TMEM216: variants seen among roughly 807,000 people sequenced by gnomAD.
TMEM216 encodes the protein cerebello-oculo-renal syndrome 2.
A neutral mutation model predicts 17.8 loss-of-function variants in TMEM216; 15 were observed. The ratio of observed to expected loss-of-function variants is 0.84; its 90% confidence interval spans 0.56 to 1.30. The LOEUF is 1.30. Among genes scored for constraint, TMEM216 ranks in the 50% most tolerant of loss-of-function variants. The pLI, the probability that TMEM216 is intolerant of heterozygous loss-of-function variation, is 0.00. For missense variants in TMEM216, 160 were observed against 175.7 expected (o/e 0.91, Z 0.51); for synonymous variants, 58 against 73.5 (o/e 0.79, Z 1.08).
intron 1 of TMEM216, 84 bp downstream of exon 1, chr11:61,392,749 C>T: frequency 6.5e-7 from 1 of 1,533,972 alleles, no homozygotes; most frequent in Admixed American, 2.0e-5. Context: ...TTGACCTAAA[C>T]CCTCCATTCT....
rs1858720825 is a variant in TMEM216 at position 61,393,305 on chromosome 11, C to T, written c.109C>T (p.Leu37=). ...NGWYNATYFL[L]ELFIFLYKGV... ...GTGGTATAATGCTACCTATTTCCTG[C>T]TGGAACTTTTCATATTTCTGTATAA... The change falls in exon 2 of 5, where the codon CTG becomes TTG. Residue 37 remains leucine, a synonymous_variant. Transcript: ENST00000515837. The T allele has an allele frequency of 1.3e-6, 2 of 1,535,746 alleles. No individual in the cohort carries two copies. Among genetic ancestry groups the T allele is most frequent in the East Asian group, 2.4e-5 (1 of 40,932 alleles).
Position 61,398,507 on chromosome 11 carries a change from G to A in TMEM216, c.*231G>A, listed in dbSNP as rs1858852417. The A allele has an allele frequency of 3.7e-6, 2 of 546,526 alleles. No homozygotes were observed. The highest frequency in any genetic ancestry group is 3.2e-5 in the Admixed American group (1 of 31,602). 33.9% of individuals were successfully genotyped at this position (546,526 alleles called of 1,614,324 possible). A position where few individuals can be genotyped will look rare whatever the true frequency, so the allele number is the denominator to read the frequency against. On this transcript the variant is annotated 3_prime_UTR_variant, in exon 5 of 5. Transcript: ENST00000515837. ...CTTCTACACTCCAGTATAGGGAGGG[G>A]CAAGGTTATTCCCATCCTGCCCCTT...
At position 61,392,602 on chromosome 11, in the gene TMEM216, G is replaced by C; in HGVS notation, c.-30G>C. 6.5e-7 allele frequency: 1 copy of C among 1,534,914 alleles called. No individual in the cohort carries two copies. The highest frequency in any genetic ancestry group is 8.7e-7 in the Non-Finnish European group (1 of 1,146,418). On this transcript the variant is annotated 5_prime_UTR_variant, in exon 1 of 5. Transcript: ENST00000515837. ...CTTCGTCCCTGTTTCCGGCAGCGCC[G>C]CGCTGCTCCGGGAGCCGCTGTGGCA... is the stretch of plus-strand genomic sequence containing the variant.
intron 1 of TMEM216, chr11:61,392,914 C>G (rs2135189522): frequency 1.0e-6 from 1 of 979,508 alleles, no homozygotes; most frequent in South Asian, 4.7e-5. Context: ...ATCTGTTGGT[C>G]TCTGCGCCCC....
chr11:61,396,469 C>T (rs1000344014), intron 3 of TMEM216, among the ~76,000 whole-genome samples: 4 of 151,564 alleles, frequency 2.6e-5, no homozygotes, highest in Non-Finnish European at 5.9e-5. Context: ...GAGAGCTAGA[C>T]TCTGTCTCAA....
intron 2 of TMEM216, 125 bp downstream of exon 2, chr11:61,393,457 C>A: frequency 1.5e-6 from 1 of 670,244 alleles, no homozygotes; most frequent in Non-Finnish European, 2.6e-6. Context: ...CGCTGCAAGG[C>A]AGGCCTCCTC....
chr11:61,392,597 G>C lies in TMEM216; in HGVS notation c.-35G>C, dbSNP rs1406025516. 3.9e-6 allele frequency: 6 copies of C among 1,534,136 alleles called. No homozygotes were observed. The highest frequency in any genetic ancestry group is 2.4e-5 in the South Asian group (2 of 83,994). On this transcript the variant is annotated 5_prime_UTR_variant, in exon 1 of 5. Coordinates refer to ENST00000515837, the MANE Select transcript of TMEM216 (RefSeq NM_001173990.3). ...GGCCGCTTCGTCCCTGTTTCCGGCA[G>C]CGCCGCGCTGCTCCGGGAGCCGCTG...
At chr11:61,392,942 A>G in intron 1 of TMEM216, 1 of 900,786 alleles carries the variant, frequency 1.1e-6, no homozygotes, top group Non-Finnish European at 1.3e-6. Context: ...CCTCCCAAAT[A>G]GTGACAGAGT....
intron 1 of TMEM216, 119 bp downstream of exon 1, chr11:61,392,784 C>A: frequency 2.0e-6 from 3 of 1,526,532 alleles, no homozygotes; most frequent in Non-Finnish European, 1.8e-6. Flanking sequence ...GTCGCGCCTC[C>A]CTGGTCCAAA....
chr11:61,398,023 C>T, intron 4 of TMEM216, 48 bp downstream of exon 4: 1 of 1,602,772 alleles, frequency 6.2e-7, no homozygotes, highest in Non-Finnish European at 8.5e-7. Context: ...GTTGGGTTCC[C>T]ATCCCAGGGA....
Position 61,392,657 on chromosome 11 carries a change from C to A in TMEM216, c.26C>A (p.Ala9Glu). 1.3e-6 allele frequency: 2 copies of A among 1,534,910 alleles called. No homozygotes were observed. Among genetic ancestry groups the A allele is most frequent in the Non-Finnish European group, 1.7e-6 (2 of 1,146,378 alleles). Residue 9 changes from alanine to glutamate, a missense_variant, in exon 1 of 5, where the codon GCG becomes GAG. Ala to Glu is a moderately radical substitution (Grantham distance 107). Coordinates refer to ENST00000515837, the MANE Select transcript of TMEM216 (RefSeq NM_001173990.3). ...ATGCTGCCACGGGGACTGAAGATGGCGCCGCGAGGTGAGATTCCGGAGGTG... is the reference window on the plus strand; with the variant it reads ...ATGCTGCCACGGGGACTGAAGATGGAGCCGCGAGGTGAGATTCCGGAGGTG... MLPRGLKM[A>E]PRGKRLSSTP...
intron 4 of TMEM216, 42 bp from the exon 5 acceptor site, chr11:61,398,228 G>C: frequency 6.3e-7 from 1 of 1,594,390 alleles, no homozygotes; most frequent in Non-Finnish European, 8.5e-7. Flanking sequence ...CTCATTCACT[G>C]GTCTTTTAAC....
intron 2 of TMEM216, 70 bp from the exon 3 acceptor site, chr11:61,393,814 C>CAGACAAGAACTGT: frequency 8.1e-7 from 1 of 1,231,790 alleles, no homozygotes; most frequent in African/African-American, 1.5e-5. Flanking sequence ...CCTCTTTTTT[C>CAGACAAGAACTGT]CCAAGTGTGT....
At chr11:61,394,238 C>A in intron 3 of TMEM216, 1 of 453,288 alleles carries the variant, frequency 2.2e-6, no homozygotes, top group Non-Finnish European at 4.1e-6. Context: ...AAGAAGAGTG[C>A]TTGGTTCTTC....
At chr11:61,396,931 C>CA (rs35510102) in intron 3 of TMEM216, among the ~76,000 whole-genome samples, 9,587 of 122,322 alleles carry the variant, frequency 0.078, 496 homozygotes, top group African/African-American at 0.16. Flanking sequence ...TAAACACTAT[C>CA]AAAAAAAAAA....
intron 3 of TMEM216, 73 bp from the exon 4 acceptor site, chr11:61,397,701 A>T (rs1335089788): frequency 2.8e-6 from 4 of 1,415,034 alleles, no homozygotes; most frequent in Non-Finnish European, 3.9e-6. Flanking sequence ...ATTCCATCAC[A>T]TCTCCCACGC....
In TMEM216 at chr11:61,397,840, C is replaced by A. The variant is rs1457006279; in HGVS notation, c.296C>A (p.Ser99Tyr). 1 of 1,614,044 alleles carries A rather than the reference C, an allele frequency of 6.2e-7. No homozygotes were observed. Among genetic ancestry groups the A allele is most frequent in the South Asian group, 1.1e-5 (1 of 91,084 alleles). Residue 99 changes from serine to tyrosine, a missense_variant, in exon 4 of 5, where the codon TCT becomes TAT. Ser to Tyr is a moderately radical substitution (Grantham distance 144). Coordinates refer to ENST00000515837, the MANE Select transcript of TMEM216 (RefSeq NM_001173990.3). ...LSISVALTFP[S>Y]AMMASYYLLL... ...ATTAGCGTGGCCTTGACCTTCCCAT[C>A]TGCCATGATGGCCTCCTATTACCTG...
chr11:61,398,348 A>C lies in TMEM216; in HGVS notation c.*72A>C, dbSNP rs1858849111. 2.0e-6 allele frequency: 3 copies of C among 1,535,544 alleles called. No homozygotes were observed. In the African/African-American group the frequency reaches 4.1e-5, roughly 21 times the overall value. ...TTGCTTCTGGTACTTTAGCCACACC[A>C]GTGAGAATTGGTGGGGCAAGTTGTC... On this transcript the variant is annotated 3_prime_UTR_variant, in exon 5 of 5. Coordinates refer to ENST00000515837, the MANE Select transcript of TMEM216 (RefSeq NM_001173990.3).
chr11:61,396,808 A>T (rs976435916), intron 3 of TMEM216, among the ~76,000 whole-genome samples: 1 of 150,996 alleles, frequency 6.6e-6, no homozygotes, highest in Non-Finnish European at 1.5e-5. Flanking sequence ...AAAAAAAAAA[A>T]TTAGCTGGGC....
Sources: gnomAD v4.1 joint callset for allele counts (sites outside exome capture counted in the v4.1 genomes callset) on GRCh38, gnomAD v4.1.1 for gene constraint, MANE v1.5 for transcripts, NCBI Gene and HGNC (gene_info 2026-07-23, HGNC 2026-07-21) for gene names.